Variants in PRELID2 observed in about 807,000 individuals in gnomAD.
PRELID2 encodes PRELI domain containing 2, also known as PRELI domain-containing protein 2.
Under a neutral mutation model 28.4 loss-of-function variants are expected in PRELID2, and 25 were observed. That is an observed-to-expected ratio of 0.88 (90% CI 0.64 to 1.23). The LOEUF (loss-of-function observed/expected upper bound fraction) is 1.23, where lower values mean the gene tolerates loss of function less well. PRELID2 is among the 50% of genes most tolerant of loss of function. The pLI is 0.00. For missense variants in PRELID2, 201 were observed against 214.4 expected, an observed-to-expected ratio of 0.94 and a Z score of 0.39; for synonymous variants, 76 against 71.6, an observed-to-expected ratio of 1.06 and a Z score of -0.31.
intron 1 of PRELID2, among the ~76,000 whole-genome samples, chr5:145,521,264 T>G (rs1181498226): frequency 2.0e-5 from 3 of 152,210 alleles, no homozygotes; most frequent in Non-Finnish European, 2.9e-5. Flanking sequence ...CTTCCCCGTA[T>G]AAGCTTTGCC....
At chr5:145,491,600 ATATATTATTAACTATAGT>A (rs1752270036) in intron 1 of PRELID2, among the ~76,000 whole-genome samples, 1 of 152,064 alleles carries the variant, frequency 6.6e-6, no homozygotes, top group Non-Finnish European at 1.5e-5. Context: ...AATATATACA[ATATATTATTAACTATAGT>A]TATCATATTG....
chr5:145,615,626 G>A (rs73311552), intron 1 of PRELID2, among the ~76,000 whole-genome samples: 7,247 of 151,278 alleles, frequency 0.048, 853 homozygotes, highest in African/African-American at 0.16. Context: ...GCGCCCAGCC[G>A]TGAGTCTCTT....
At chr5:145,477,313 C>T (rs547822027) in intron 1 of PRELID2, among the ~76,000 whole-genome samples, 5 of 152,298 alleles carry the variant, frequency 3.3e-5, no homozygotes, top group African/African-American at 1.2e-4. Flanking sequence ...TTTGCTCATT[C>T]TCAAGCAAGG....
intron 1 of PRELID2, among the ~76,000 whole-genome samples, chr5:145,702,163 T>A (rs1755424248): frequency 6.6e-6 from 1 of 152,204 alleles, no homozygotes. Context: ...GTATTTTTAA[T>A]GCCATCCCTA....
At chr5:145,518,353 C>T (rs1752537136) in intron 1 of PRELID2, among the ~76,000 whole-genome samples, 2 of 151,928 alleles carry the variant, frequency 1.3e-5, no homozygotes, top group African/African-American at 4.8e-5. Context: ...GTGTGCACCA[C>T]CAAGCCCAGC....
chr5:145,242,362 T>C, the PRELID2 span, among the ~76,000 whole-genome samples: 62 of 152,096 alleles, frequency 4.1e-4, no homozygotes, highest in East Asian at 0.011. Context: ...TGAATCTTTC[T>C]AAATATAGAG....
At chr5:145,605,615 T>G (rs574505899) in intron 1 of PRELID2, among the ~76,000 whole-genome samples, 22 of 152,208 alleles carry the variant, frequency 1.4e-4, no homozygotes, top group African/African-American at 5.1e-4. Context: ...ATGATGGCTC[T>G]AGCTTTGTTC....
At chr5:145,665,607 G>A (rs1754572933) in intron 1 of PRELID2, among the ~76,000 whole-genome samples, 1 of 152,020 alleles carries the variant, frequency 6.6e-6, no homozygotes, top group South Asian at 2.1e-4. Flanking sequence ...GGTATATAAT[G>A]CCTAGCATGA....
intron 1 of PRELID2, among the ~76,000 whole-genome samples, chr5:145,635,391 A>C (rs575184769): frequency 1.4e-4 from 22 of 152,232 alleles, no homozygotes; most frequent in African/African-American, 4.8e-4. Context: ...AGGATTAAAT[A>C]ATAGCAATAA....
chr5:145,431,958 G>C, the PRELID2 span, among the ~76,000 whole-genome samples: 252 of 152,226 alleles, frequency 1.7e-3, 1 homozygote, highest in African/African-American at 5.7e-3. Flanking sequence ...CAACAGAGAA[G>C]AGATAAATTA....
the PRELID2 span, among the ~76,000 whole-genome samples, chr5:145,293,169 T>G: frequency 1.3e-5 from 2 of 152,164 alleles, no homozygotes; most frequent in Non-Finnish European, 2.9e-5. Flanking sequence ...CCACTCCTAC[T>G]TGTCAAACAC....
chr5:145,443,885 A>T, the PRELID2 span, among the ~76,000 whole-genome samples: 4 of 152,204 alleles, frequency 2.6e-5, no homozygotes, highest in East Asian at 7.8e-4. Flanking sequence ...GAATCTATGA[A>T]AATATGAGAG....
At chr5:145,676,747 A>G (rs930562066) in intron 1 of PRELID2, among the ~76,000 whole-genome samples, 4 of 152,206 alleles carry the variant, frequency 2.6e-5, no homozygotes, top group African/African-American at 7.2e-5. Flanking sequence ...AACAAATCCA[A>G]TCTTAATCTG....
intron 5 of PRELID2, among the ~76,000 whole-genome samples, chr5:145,773,496 T>G (rs1758229552): frequency 6.6e-6 from 1 of 152,260 alleles, no homozygotes; most frequent in Non-Finnish European, 1.5e-5. Flanking sequence ...TCTCCCCCAG[T>G]GCCATGTCCA....
chr5:145,588,194 C>G (rs992477010), intron 1 of PRELID2, among the ~76,000 whole-genome samples: 2 of 152,120 alleles, frequency 1.3e-5, no homozygotes, highest in African/African-American at 4.8e-5. Context: ...ATATTCTAGG[C>G]ACTATCTTAT....
intron 1 of PRELID2, among the ~76,000 whole-genome samples, chr5:145,716,774 G>A (rs546384103): frequency 5.3e-5 from 8 of 152,210 alleles, no homozygotes; most frequent in African/African-American, 1.7e-4. Flanking sequence ...AGCATTTATT[G>A]AGAGTTTGCT....
At chr5:145,355,638 T>C in the PRELID2 span, among the ~76,000 whole-genome samples, 1 of 152,154 alleles carries the variant, frequency 6.6e-6, no homozygotes, top group African/African-American at 2.4e-5. Flanking sequence ...ACCAAGGAGA[T>C]TGCTGCTAAG....
the PRELID2 span, among the ~76,000 whole-genome samples, chr5:145,251,849 A>G: frequency 6.6e-6 from 1 of 152,098 alleles, no homozygotes; most frequent in East Asian, 1.9e-4. Context: ...CTGCCTAGAC[A>G]GTCTAGCCAA....
chr5:145,650,563 T>C (rs1259730322), intron 1 of PRELID2, among the ~76,000 whole-genome samples: 2 of 135,718 alleles, frequency 1.5e-5, no homozygotes, highest in African/African-American at 2.7e-5. Context: ...TATATATATA[T>C]ATATATATAT....
Sources: gnomAD v4.1 joint callset for allele counts (sites outside exome capture counted in the v4.1 genomes callset) on GRCh38, gnomAD v4.1.1 for gene constraint, MANE v1.5 for transcripts, NCBI Gene and HGNC (gene_info 2026-07-23, HGNC 2026-07-21) for gene names.